The following C10orf90 variants were observed in gnomAD, a reference collection of about 807,000 sequenced individuals.
C10orf90 encodes the protein chromosome 10 open reading frame 90, also known as (E2-independent) E3 ubiquitin-conjugating enzyme FATS.
C10orf90 carries 56 observed loss-of-function variants against 62.5 expected under a neutral mutation model. The observed-to-expected ratio is 0.90, with a 90% confidence interval of 0.72 to 1.12. The LOEUF is 1.12. C10orf90 is among the 50% of genes most tolerant of loss of function. The probability of loss-of-function intolerance (pLI) is 0.00; values close to 1 mark genes in which losing one functional copy is unlikely to be tolerated. For missense variants in C10orf90, 970 were observed against 880.4 expected (o/e 1.10, Z -1.29); for synonymous variants, 386 against 340.4 (o/e 1.13, Z -1.47).
chr10:126,576,634 G>GCA (rs1046424421), intron 2 of C10orf90, among the ~76,000 whole-genome samples: 1 of 139,742 alleles, frequency 7.2e-6, no homozygotes, highest in Non-Finnish European at 1.6e-5. Flanking sequence ...GTTTGCTGCA[G>GCA]CACTATTCAC....
At chr10:126,549,475 C>CCT (rs552118672) in intron 2 of C10orf90, among the ~76,000 whole-genome samples, 43 of 152,260 alleles carry the variant, frequency 2.8e-4, no homozygotes, top group African/African-American at 9.1e-4. Flanking sequence ...CCACCACATA[C>CCT]CTATCAGCAT....
intron 2 of C10orf90, among the ~76,000 whole-genome samples, chr10:126,573,769 A>G (rs1844556776): frequency 6.6e-6 from 1 of 152,168 alleles, no homozygotes; most frequent in South Asian, 2.1e-4. Context: ...AGTACCCAAC[A>G]CAAAGTCTGG....
intron 2 of C10orf90, among the ~76,000 whole-genome samples, chr10:126,619,886 G>A (rs1363029424): frequency 1.3e-5 from 2 of 152,114 alleles, no homozygotes; most frequent in Admixed American, 1.3e-4. Flanking sequence ...GCCCACCTTA[G>A]CATCCTTAAG....
chr10:126,536,378 GA>G (rs1263431397), intron 2 of C10orf90, among the ~76,000 whole-genome samples: 1 of 152,180 alleles, frequency 6.6e-6, no homozygotes, highest in Non-Finnish European at 1.5e-5. Flanking sequence ...AAGATTTCAG[GA>G]AACGGCAAGA....
Position 126,426,084 on chromosome 10 carries a change from A to G in C10orf90, c.2259T>C (p.Tyr753=). 1 of 1,613,268 alleles carries G rather than the reference A, an allele frequency of 6.2e-7. No individual in the cohort carries two copies. The highest frequency in any genetic ancestry group is 8.5e-7 in the Non-Finnish European group (1 of 1,179,208). ...KEMHMRSKRI[Y]DNLPEVKKKK... ...TCTTTTTAACTTCCGGCAAGTTATC[A>G]TAGATTCTGAAACAGATTCGGAAAA... The change falls in exon 9 of 10, where the codon TAT becomes TAC. Residue 753 remains tyrosine (Y), a synonymous_variant. Transcript: ENST00000488181.
At chr10:126,576,492 A>G (rs1844613234) in intron 2 of C10orf90, among the ~76,000 whole-genome samples, 1 of 151,664 alleles carries the variant, frequency 6.6e-6, no homozygotes, top group South Asian at 2.1e-4. Flanking sequence ...AATACATAAC[A>G]CTTCGGAGAG....
At chr10:126,643,077 C>A (rs1260540353) in intron 2 of C10orf90, among the ~76,000 whole-genome samples, 1 of 152,262 alleles carries the variant, frequency 6.6e-6, no homozygotes. Context: ...ACAGAGTTGT[C>A]TTCCTAGCAC....
At chr10:126,554,800 C>T (rs1864721660) in intron 2 of C10orf90, among the ~76,000 whole-genome samples, 1 of 152,150 alleles carries the variant, frequency 6.6e-6, no homozygotes, top group African/African-American at 2.4e-5. Flanking sequence ...CAAAAGACTC[C>T]TCCTGCTGAT....
intron 2 of C10orf90, among the ~76,000 whole-genome samples, chr10:126,535,818 C>T (rs1439837869): frequency 6.6e-6 from 1 of 152,098 alleles, no homozygotes; most frequent in Admixed American, 6.5e-5. Flanking sequence ...CCATAAAACC[C>T]CCTATGAAGC....
At position 126,504,103 on chromosome 10, in the gene C10orf90, A is replaced by G. The variant is rs1314966585; in HGVS notation, c.1388T>C (p.Phe463Ser). 1.2e-6 allele frequency: 2 copies of G among 1,614,018 alleles called. No individual in the cohort carries two copies. Among genetic ancestry groups the G allele is most frequent in the East Asian group, 2.2e-5 (1 of 44,872 alleles). ...GTGACPWSGS[F>S]PLENTELANV... ...TGCCAATTCTGTGTTTTCCAATGGAAAAGAACCACTCCAAGGACAAGCGCC... is the reference window on the plus strand; with the variant it reads ...TGCCAATTCTGTGTTTTCCAATGGAGAAGAACCACTCCAAGGACAAGCGCC... Residue 463 changes from phenylalanine (F) to serine (S), a missense_variant, in exon 4 of 10, where the codon TTT becomes TCT. Transcript: ENST00000488181. The surrounding 1 kb of genome is among the most constrained non-coding windows in gnomAD (Gnocchi z 4.1).
intron 2 of C10orf90, among the ~76,000 whole-genome samples, chr10:126,624,402 T>C (rs1845704122): frequency 6.6e-6 from 1 of 152,050 alleles, no homozygotes; most frequent in Admixed American, 6.5e-5. Flanking sequence ...CATTAGAGGA[T>C]GATGACGAGA....
intron 2 of C10orf90, among the ~76,000 whole-genome samples, chr10:126,565,437 TACACAC>T (rs71032507): frequency 2.8e-5 from 2 of 72,444 alleles, no homozygotes; most frequent in African/African-American, 5.1e-5. Flanking sequence ...ATATATATTA[TACACAC>T]ACACACACAC....
chr10:126,435,116 A>G (rs1176937125), intron 7 of C10orf90, among the ~76,000 whole-genome samples: 2 of 152,222 alleles, frequency 1.3e-5, no homozygotes, highest in Non-Finnish European at 2.9e-5. Flanking sequence ...CTTGTTTCAG[A>G]ACCCTGTCAG....
At chr10:126,486,140 T>A (rs1347031544) in intron 4 of C10orf90, among the ~76,000 whole-genome samples, 1 of 152,156 alleles carries the variant, frequency 6.6e-6, no homozygotes, top group Admixed American at 6.5e-5. Flanking sequence ...GACAGGGGAC[T>A]AAACATGGGA....
In C10orf90 at chr10:126,666,244, A is replaced by C. The variant is rs568739463; in HGVS notation, c.240+3997T>G. Among the ~76,000 whole-genome samples, 2 of 152,332 alleles carry C rather than the reference A, an allele frequency of 1.3e-5. 1 individual carries two copies. Among genetic ancestry groups the C allele is most frequent in the African/African-American group, 4.8e-5 (2 of 41,564 alleles). ...ATTTTCCCCAAGGTTGTCACAACCA[A>C]ACTGTCTGCAGACATTACCAAATAT... On this transcript the variant is annotated intron_variant, in intron 1 of 9. Coordinates refer to ENST00000488181, the MANE Select transcript of C10orf90 (RefSeq NM_001350921.2).
intron 2 of C10orf90, among the ~76,000 whole-genome samples, chr10:126,531,263 G>A (rs1864087362): frequency 6.6e-6 from 1 of 152,090 alleles, no homozygotes; most frequent in South Asian, 2.1e-4. Flanking sequence ...GGTTGATTTT[G>A]CTGCCCAGGG....
intron 2 of C10orf90, among the ~76,000 whole-genome samples, chr10:126,606,727 C>T (rs1057422535): frequency 3.3e-5 from 5 of 152,172 alleles, no homozygotes; most frequent in African/African-American, 1.2e-4. Context: ...GGTTTGGCTC[C>T]TGATTGAATG....
At chr10:126,665,820 G>A (rs998074970) in intron 1 of C10orf90, among the ~76,000 whole-genome samples, 1 of 152,132 alleles carries the variant, frequency 6.6e-6, no homozygotes, top group African/African-American at 2.4e-5. Context: ...TTTAGGAAGA[G>A]GAGAACTGCA....
intron 2 of C10orf90, among the ~76,000 whole-genome samples, chr10:126,544,587 C>T (rs1864449606): frequency 6.6e-6 from 1 of 151,362 alleles, no homozygotes; most frequent in African/African-American, 2.4e-5. Flanking sequence ...GAATTTGTGA[C>T]ATTTGGCATT....
Sources: gnomAD v4.1 joint callset for allele counts (sites outside exome capture counted in the v4.1 genomes callset) on GRCh38, gnomAD v4.1.1 for gene constraint, Gnocchi (gnomAD v3.1) non-coding constraint, MANE v1.5 for transcripts, NCBI Gene and HGNC (gene_info 2026-07-23, HGNC 2026-07-21) for gene names.